ADAP1: variants seen among roughly 807,000 people sequenced by gnomAD.
ADAP1 encodes arf-GAP with dual PH domain-containing protein 1.
In ADAP1, 31 loss-of-function variants were observed where a neutral mutation model predicts 54.9. The ratio of observed to expected loss-of-function variants is 0.56; its 90% CI spans 0.42 to 0.76. The LOEUF is 0.76. Among genes scored for constraint, ADAP1 ranks in the 30% least tolerant of loss-of-function variants. The probability of loss-of-function intolerance (pLI) is 0.00; values close to 1 mark genes in which losing one functional copy is unlikely to be tolerated. For synonymous variants in ADAP1, 313 were observed against 202.6 expected, an observed-to-expected ratio of 1.55 and a Z score of -4.63; for missense variants, 535 against 512.4, an observed-to-expected ratio of 1.04 and a Z score of -0.42.
At chr7:914,016 C>T (rs186063101) in intron 4 of ADAP1, among the ~76,000 whole-genome samples, 169 of 152,360 alleles carry the variant, frequency 1.1e-3, no homozygotes, top group African/African-American at 4.0e-3. Context: ...TGGGGCTCCG[C>T]CTTCCTCAGC....
chr7:899,969 A>C (rs1844705926), intron 8 of ADAP1, 133 bp downstream of exon 8: 1 of 1,108,426 alleles, frequency 9.0e-7, no homozygotes, highest in Non-Finnish European at 1.3e-6. Flanking sequence ...CCAGGCACAG[A>C]CAAGGGGCTG....
intron 2 of ADAP1, among the ~76,000 whole-genome samples, chr7:928,606 A>T (rs1846465320): frequency 6.6e-6 from 1 of 152,184 alleles, no homozygotes; most frequent in Non-Finnish European, 1.5e-5. Context: ...GGCCACGCAA[A>T]GGCACTCAAC....
At chr7:922,523 C>T (rs565144082) in intron 3 of ADAP1, among the ~76,000 whole-genome samples, 6 of 152,296 alleles carry the variant, frequency 3.9e-5, no homozygotes, top group South Asian at 2.1e-4. Context: ...TTCCCCAGGA[C>T]GGGTCCAGTG....
chr7:925,654 G>A (rs887872325), intron 3 of ADAP1, among the ~76,000 whole-genome samples: 4 of 152,260 alleles, frequency 2.6e-5, no homozygotes, highest in African/African-American at 9.6e-5. Context: ...GCAGAGCCCA[G>A]GCTGTCTCAG....
intron 4 of ADAP1, among the ~76,000 whole-genome samples, chr7:915,498 G>C (rs1335764984): frequency 2.0e-5 from 3 of 152,224 alleles, no homozygotes; most frequent in Non-Finnish European, 2.9e-5. Context: ...GCAAGGCCAA[G>C]GCCTTGGGCT....
intron 4 of ADAP1, among the ~76,000 whole-genome samples, chr7:908,513 G>C (rs566153551): frequency 2.0e-5 from 3 of 152,224 alleles, no homozygotes; most frequent in Admixed American, 2.0e-4. Context: ...CAGCAGCCAG[G>C]AGCCCCCTTC....
At chr7:905,820 A>G (rs915747107) in intron 4 of ADAP1, among the ~76,000 whole-genome samples, 8 of 34,480 alleles carry the variant, frequency 2.3e-4, no homozygotes, top group African/African-American at 5.1e-4. Flanking sequence ...AGGAGAAGGG[A>G]GAAGGGAGAA....
chr7:930,517 T>A (rs1044416044), intron 2 of ADAP1, among the ~76,000 whole-genome samples: 8 of 79,942 alleles, frequency 1.0e-4, no homozygotes, highest in Non-Finnish European at 2.0e-4. Context: ...CACTACAAAA[T>A]TTTTTTTTTT....
chr7:951,816 T>C lies in ADAP1; in HGVS notation c.82+2580A>G, dbSNP rs118107465. ...AGACTCAAAGAGGACAATATGTGTG[T>C]TTTTCTTTTTTTTGAGACAGGGTCT... On this transcript the variant is annotated intron_variant, in intron 1 of 10. Transcript: ENST00000265846. Among the ~76,000 whole-genome samples the C allele has an allele frequency of 4.2e-3, 632 of 152,250 alleles. 4 individuals are homozygous for C. Among genetic ancestry groups the C allele is most frequent in the Admixed American group, 0.012 (176 of 15,286 alleles).
rs1306104018 is a variant in ADAP1, at chr7:920,456, T to G, written c.306-406A>C. ...CCCTCCCCGACCCTCCCCACCTCGT[T>G]GGACCGGATCTGGGAAGTGGCCGCG... is the stretch of plus-strand genomic sequence containing the variant. On this transcript the variant is annotated intron_variant, in intron 3 of 10. Transcript: ENST00000265846. The surrounding 1 kb of genome is among the most constrained non-coding windows in gnomAD (Gnocchi z 4.5). Among the ~76,000 whole-genome samples the G allele has an allele frequency of 6.6e-6, 1 of 150,432 alleles. No homozygotes were observed. Among genetic ancestry groups the G allele is most frequent in the Admixed American group, 6.6e-5 (1 of 15,162 alleles).
intron 1 of ADAP1, among the ~76,000 whole-genome samples, chr7:953,222 C>T (rs535143818): frequency 2.6e-5 from 4 of 152,332 alleles, no homozygotes; most frequent in African/African-American, 9.6e-5. Context: ...GCCCTGTGGC[C>T]GTCCTGTCTC....
intron 1 of ADAP1, among the ~76,000 whole-genome samples, chr7:950,420 A>G (rs1271839172): frequency 6.8e-6 from 1 of 148,074 alleles, no homozygotes; most frequent in Non-Finnish European, 1.5e-5. Flanking sequence ...TGGGAGGCGG[A>G]GCTTGCAGTG....
chr7:943,813 G>T (rs1408039690), intron 1 of ADAP1, among the ~76,000 whole-genome samples: 6 of 124,612 alleles, frequency 4.8e-5, no homozygotes, highest in East Asian at 4.9e-4. Context: ...GGAGAGAGGA[G>T]GACGAAGGGA....
intron 2 of ADAP1, among the ~76,000 whole-genome samples, chr7:930,113 A>AC (rs1231162938): frequency 6.0e-5 from 9 of 150,024 alleles, no homozygotes; most frequent in African/African-American, 2.0e-4. Flanking sequence ...AAAAAAAAAA[A>AC]AAAAAAAAAA....
intron 4 of ADAP1, among the ~76,000 whole-genome samples, chr7:912,749 G>A (rs1348728201): frequency 1.3e-5 from 2 of 152,192 alleles, no homozygotes; most frequent in African/African-American, 4.8e-5. Context: ...TGCCCAGGCT[G>A]GAGTGCAATG....
At chr7:930,688 A>G (rs940840394) in intron 2 of ADAP1, among the ~76,000 whole-genome samples, 9 of 151,974 alleles carry the variant, frequency 5.9e-5, no homozygotes, top group South Asian at 4.2e-4. Flanking sequence ...GCATGGTGGC[A>G]CACACCTGTG....
rs575861556 is a variant in ADAP1, at chr7:946,006, G to GGCCGGGTCGGAC, written c.82+8378_82+8389dup. On this transcript the variant is annotated intron_variant, in intron 1 of 10. Transcript: ENST00000265846. The surrounding 1 kb of genome is among the most constrained non-coding windows in gnomAD (Gnocchi z 4.3). ...ACAGCAGAGATCCCGGTGCAATCGAGGCCGGGTCGGACGCTGGCTCTGGCC... is the reference window on the plus strand; with the variant it reads ...ACAGCAGAGATCCCGGTGCAATCGAGGCCGGGTCGGACGCCGGGTCGGACGCTGGCTCTGGCC... Among the ~76,000 whole-genome samples the GGCCGGGTCGGAC allele has an allele frequency of 9.3e-4, 141 of 152,312 alleles. No homozygotes were observed. Among genetic ancestry groups the GGCCGGGTCGGAC allele is most frequent in the African/African-American group, 3.1e-3 (127 of 41,570 alleles).
intron 4 of ADAP1, chr7:905,624 AAAGGAGAAAGG>A (rs1845185199): frequency 2.1e-4 from 37 of 175,040 alleles, no homozygotes; most frequent in Admixed American, 3.4e-4. Flanking sequence ...GGAGAAAGGG[AAAGGAGAAAGG>A]GAAAGGAGAA....
chr7:919,082 G>T (rs749920530), intron 4 of ADAP1, among the ~76,000 whole-genome samples: 6 of 152,160 alleles, frequency 3.9e-5, no homozygotes, highest in Non-Finnish European at 8.8e-5. Context: ...CACCTCCACA[G>T]CCCCGCCAGC....
Sources: gnomAD v4.1 joint callset for allele counts (sites outside exome capture counted in the v4.1 genomes callset) on GRCh38, gnomAD v4.1.1 for gene constraint, Gnocchi (gnomAD v3.1) non-coding constraint, MANE v1.5 for transcripts, NCBI Gene and HGNC (gene_info 2026-07-23, HGNC 2026-07-21) for gene names.